Variants in JAKMIP1 observed in about 807,000 individuals in gnomAD.
JAKMIP1 encodes janus kinase and microtubule-interacting protein 1.
In JAKMIP1, 33 loss-of-function variants were observed where a neutral mutation model predicts 113.0. The ratio of observed to expected loss-of-function variants is 0.29; its 90% confidence interval spans 0.22 to 0.39. The LOEUF is 0.39. Ranked by LOEUF, JAKMIP1 falls within the 10% of genes least tolerant of loss-of-function variation. The pLI is 1.00. For synonymous variants in JAKMIP1, 480 were observed against 459.9 expected (o/e 1.04, Z -0.56); for missense variants, 813 against 1,080.5 (o/e 0.75, Z 3.47).
Position 6,049,191 on chromosome 4 carries a change from A to C in JAKMIP1, c.1963-269T>G, listed in dbSNP as rs1350824245. Among the ~76,000 whole-genome samples, 1 of 152,010 alleles carries C rather than the reference A, an allele frequency of 6.6e-6. No individual in the cohort carries two copies. Among genetic ancestry groups the C allele is most frequent in the Non-Finnish European group, 1.5e-5 (1 of 68,000 alleles). On this transcript the variant is annotated intron_variant, in intron 15 of 20. Coordinates refer to ENST00000409021, the MANE Select transcript of JAKMIP1 (RefSeq NM_001099433.2). The surrounding 1 kb of genome is among the most constrained non-coding windows in gnomAD (Gnocchi z 7.0). ...TACAGCAGCTGGGATGCACACCACC[A>C]CACCTGGATAGTTTTTGTATTTTTA... is the stretch of plus-strand genomic sequence containing the variant.
chr4:6,070,497 G>A (rs1718805466), intron 8 of JAKMIP1, among the ~76,000 whole-genome samples: 1 of 152,254 alleles, frequency 6.6e-6, no homozygotes, highest in Admixed American at 6.5e-5. Context: ...TCGTCACAGA[G>A]GACAGCCTCC....
rs1274428054 is a variant in JAKMIP1, at chr4:6,042,782, G to A, written c.2029-555C>T. 6.6e-6 allele frequency among the ~76,000 whole-genome samples: 1 copy of A among 152,112 alleles called. No homozygotes were observed. Among genetic ancestry groups the A allele is most frequent in the Non-Finnish European group, 1.5e-5 (1 of 68,026 alleles). On this transcript the variant is annotated intron_variant, in intron 16 of 20. Transcript: ENST00000409021. The surrounding 1 kb of genome is among the most constrained non-coding windows in gnomAD (Gnocchi z 5.2). ...GCAACGTGAGTTGGAGCAGCCCAGA[G>A]TGCCTGGTGCCACCATGAGAGGAGG...
Position 6,042,009 on chromosome 4 carries a change from G to A in JAKMIP1, c.2097+150C>T, listed in dbSNP as rs1714380333. On this transcript the variant is annotated intron_variant, in intron 17 of 20. Transcript: ENST00000409021. This position sits in a 1 kb window ranked among gnomAD's most constrained non-coding sequence, Gnocchi z 5.2. ...CGAGTGAAAGAGTAAGTAAATGGGTGACAATTACTTAGAACAACCACTGGG... is the reference window on the plus strand; with the variant it reads ...CGAGTGAAAGAGTAAGTAAATGGGTAACAATTACTTAGAACAACCACTGGG... The A allele has an allele frequency of 1.6e-6, 1 of 634,202 alleles. No individual in the cohort carries two copies. The highest frequency in any genetic ancestry group is 2.6e-5 in the Admixed American group (1 of 37,798). The allele number at this position is 634,202 out of a possible 1,614,324, so 39.3% of individuals were successfully genotyped here.
chr4:6,151,798 G>C (rs1210965992), intron 1 of JAKMIP1, among the ~76,000 whole-genome samples: 2 of 152,138 alleles, frequency 1.3e-5, no homozygotes, highest in Non-Finnish European at 2.9e-5. Context: ...CACTTGTCTA[G>C]ATCTGTTTCT....
At position 6,031,093 on chromosome 4, in the gene JAKMIP1, T is replaced by C. The variant is rs1382150670; in HGVS notation, c.2380-1312A>G. Among the ~76,000 whole-genome samples the C allele has an allele frequency of 6.6e-6, 1 of 152,082 alleles. No homozygotes were observed. ...AATTACCGTTCAGACAATAGCAGCA[T>C]ACACATAAATAGAAGGGGCATCAGA... is the stretch of plus-strand genomic sequence containing the variant. On this transcript the variant is annotated intron_variant, in intron 19 of 20. Coordinates refer to ENST00000409021, the MANE Select transcript of JAKMIP1 (RefSeq NM_001099433.2). This position sits in a 1 kb window ranked among gnomAD's most constrained non-coding sequence, Gnocchi z 4.4.
intron 1 of JAKMIP1, among the ~76,000 whole-genome samples, chr4:6,125,681 T>C (rs1331584376): frequency 3.5e-5 from 4 of 112,906 alleles, no homozygotes; most frequent in Non-Finnish European, 6.9e-5. Context: ...ATACACACCA[T>C]GCAGAAACAC....
chr4:6,190,990 G>A (rs983670782), intron 1 of JAKMIP1, among the ~76,000 whole-genome samples: 3 of 152,198 alleles, frequency 2.0e-5, no homozygotes, highest in Admixed American at 1.3e-4. Flanking sequence ...AGCTGGTGTG[G>A]GGCAGTTCCA....
At chr4:6,103,807 A>T (rs1024138558) in intron 3 of JAKMIP1, among the ~76,000 whole-genome samples, 12 of 152,098 alleles carry the variant, frequency 7.9e-5, no homozygotes, top group Non-Finnish European at 2.9e-5. Flanking sequence ...CTGTGGTTTT[A>T]TTGACTGTAG....
chr4:6,073,030 A>G (rs1433441478), intron 8 of JAKMIP1, among the ~76,000 whole-genome samples: 1 of 150,594 alleles, frequency 6.6e-6, no homozygotes, highest in Non-Finnish European at 1.5e-5. Flanking sequence ...GCTGAGCTCC[A>G]TCACGCCACT....
At chr4:6,107,913 G>A (rs1305376743) in intron 2 of JAKMIP1, among the ~76,000 whole-genome samples, 1 of 152,130 alleles carries the variant, frequency 6.6e-6, no homozygotes, top group African/African-American at 2.4e-5. Context: ...GTGACTGTGG[G>A]TGGGTGAATG....
At position 6,141,129 on chromosome 4, in the gene JAKMIP1, TACCA is replaced by T. The variant is rs1720086787; in HGVS notation, c.-147-28136_-147-28133del. Among the ~76,000 whole-genome samples, 1 of 152,196 alleles carries T rather than the reference TACCA, an allele frequency of 6.6e-6. No homozygotes were observed. The highest frequency in any genetic ancestry group is 1.5e-5 in the Non-Finnish European group (1 of 68,040). On this transcript the variant is annotated intron_variant, in intron 1 of 20. Coordinates refer to ENST00000409021, the MANE Select transcript of JAKMIP1 (RefSeq NM_001099433.2). This position sits in a 1 kb window ranked among gnomAD's most constrained non-coding sequence, Gnocchi z 9.4. The stretch of plus-strand genomic sequence containing the variant: ...TGTATCGCGTAGAATGAGAAGCAGC[TACCA>T]ACATTTAAAGTGGTAGACGAGGCCG...
In JAKMIP1 at chr4:6,108,387, C is replaced by T. The variant is rs1039712324; in HGVS notation, c.130-2420G>A. 6.6e-6 allele frequency among the ~76,000 whole-genome samples: 1 copy of T among 152,172 alleles called. No individual in the cohort carries two copies. Among genetic ancestry groups the T allele is most frequent in the Non-Finnish European group, 1.5e-5 (1 of 68,030 alleles). ...TGTAGAGGCACCTACACCAGCCGCT[C>T]CTCAGCACTTGGACTCTAAATGCAG... On this transcript the variant is annotated intron_variant, in intron 2 of 20. Transcript: ENST00000409021. This position sits in a 1 kb window ranked among gnomAD's most constrained non-coding sequence, Gnocchi z 5.6.
rs1718600469 is a variant in JAKMIP1 at position 6,069,232 on chromosome 4, A to G, written c.1303-4224T>C. On this transcript the variant is annotated intron_variant, in intron 8 of 20. Coordinates refer to ENST00000409021, the MANE Select transcript of JAKMIP1 (RefSeq NM_001099433.2). This position sits in a 1 kb window ranked among gnomAD's most constrained non-coding sequence, Gnocchi z 4.5. ...TGGCACACAGTGGGCTTTAAAAAAA[A>G]TGGCAAACATGAAAGAAACTTCATT... Among the ~76,000 whole-genome samples the G allele has an allele frequency of 6.6e-6, 1 of 152,206 alleles. No homozygotes were observed. Among genetic ancestry groups the G allele is most frequent in the Admixed American group, 6.5e-5 (1 of 15,288 alleles).
rs1718639135 is a variant in JAKMIP1 at position 6,069,437 on chromosome 4, G to A, written c.1303-4429C>T. ...TCCTTGTTGACTCGTTTCTACAGAT[G>A]AATCCAGATTCAGATTAAGATTCAG... is the stretch of plus-strand genomic sequence containing the variant. On this transcript the variant is annotated intron_variant, in intron 8 of 20. Transcript: ENST00000409021. The surrounding 1 kb of genome is among the most constrained non-coding windows in gnomAD (Gnocchi z 4.5). 6.6e-6 allele frequency among the ~76,000 whole-genome samples: 1 copy of A among 152,194 alleles called. No homozygotes were observed. The highest frequency in any genetic ancestry group is 2.4e-5 in the African/African-American group (1 of 41,438).
rs181611399 is a variant in JAKMIP1, at chr4:6,098,150, G to A, written c.624+7323C>T. ...CCAGGTCAGAAAAGAAACATTCCTC[G>A]TCGCGTGCGGTGGCTCACGCCTGTA... On this transcript the variant is annotated intron_variant, in intron 3 of 20. Transcript: ENST00000409021. Among the ~76,000 whole-genome samples the A allele has an allele frequency of 1.4e-3, 213 of 152,280 alleles. 1 individual carries two copies. The highest frequency in any genetic ancestry group is 0.01 in the Middle Eastern group (3 of 294).
intron 5 of JAKMIP1, among the ~76,000 whole-genome samples, chr4:6,084,448 A>T (rs17710226): frequency 0.095 from 14,387 of 152,238 alleles, 749 homozygotes; most frequent in Non-Finnish European, 0.1. Flanking sequence ...GGTCTCCATC[A>T]TCAATCTTAA....
rs1368218705 is a variant in JAKMIP1, at chr4:6,139,079, CACACATAT to C, written c.-147-26090_-147-26083del. ...AAACACACACACACACACACACACA[CACACATAT>C]ACACACACACACACACACCAGCAGG... On this transcript the variant is annotated intron_variant, in intron 1 of 20. Coordinates refer to ENST00000409021, the MANE Select transcript of JAKMIP1 (RefSeq NM_001099433.2). The surrounding 1 kb of genome is among the most constrained non-coding windows in gnomAD (Gnocchi z 5.2). Among the ~76,000 whole-genome samples the C allele has an allele frequency of 8.4e-4, 115 of 137,440 alleles. No individual in the cohort carries two copies. The highest frequency in any genetic ancestry group is 3.5e-3 in the African/African-American group (110 of 31,600). The allele number at this position is 137,440 out of a possible 152,430, so 90.2% of individuals were successfully genotyped here. A position where few individuals can be genotyped will look rare whatever the true frequency, so the allele number is the denominator to read the frequency against.
At chr4:6,174,483 G>C (rs34001692) in intron 1 of JAKMIP1, among the ~76,000 whole-genome samples, 1 of 152,046 alleles carries the variant, frequency 6.6e-6, no homozygotes, top group South Asian at 2.1e-4. Flanking sequence ...CAGAGGTCAC[G>C]GGCCCTCAGG....
At chr4:6,170,705 TCACCAC>T (rs1169679907) in intron 1 of JAKMIP1, among the ~76,000 whole-genome samples, 13 of 145,540 alleles carry the variant, frequency 8.9e-5, no homozygotes, top group Admixed American at 8.1e-4. Context: ...CTTAACACCA[TCACCAC>T]CACCATCCCC....
Sources: allele counts gnomAD v4.1 joint callset (sites outside exome capture counted in the v4.1 genomes callset), GRCh38; gene constraint gnomAD v4.1.1; non-coding constraint Gnocchi (gnomAD v3.1); transcripts MANE v1.5; gene names NCBI Gene and HGNC (gene_info 2026-07-23, HGNC 2026-07-21).